PTPN5: variants seen among roughly 807,000 people sequenced by gnomAD.
The protein encoded by PTPN5 is protein tyrosine phosphatase non-receptor type 5.
In PTPN5, 29 loss-of-function variants were observed where a neutral mutation model predicts 73.9. The observed-to-expected ratio is 0.39, with a 90% CI of 0.29 to 0.54. PTPN5 has a LOEUF of 0.54. PTPN5 is among the 20% of genes least tolerant of loss of function. The probability of loss-of-function intolerance (pLI) is 0.65; values close to 1 mark genes in which losing one functional copy is unlikely to be tolerated. For missense variants in PTPN5, 652 were observed against 751.4 expected (o/e 0.87, Z 1.55); for synonymous variants, 267 against 304.7 (o/e 0.88, Z 1.29).
chr11:18,734,903 G>C (rs920922048), intron 9 of PTPN5, among the ~76,000 whole-genome samples: 1 of 152,162 alleles, frequency 6.6e-6, no homozygotes, highest in Non-Finnish European at 1.5e-5. Context: ...GTATAGGGGA[G>C]TCATTAAGAG....
intron 3 of PTPN5, among the ~76,000 whole-genome samples, chr11:18,755,772 G>A (rs1365773398): frequency 6.6e-6 from 1 of 152,058 alleles, no homozygotes; most frequent in Admixed American, 6.5e-5. Flanking sequence ...TTGGGAGGCC[G>A]AGGCGGGCAG....
Position 18,729,170 on chromosome 11 carries a change from C to A in PTPN5, c.1605-143G>T. 1.3e-6 allele frequency: 1 copy of A among 747,992 alleles called. No homozygotes were observed. Among genetic ancestry groups the A allele is most frequent in the Non-Finnish European group, 2.2e-6 (1 of 454,900 alleles). 46.3% of individuals were successfully genotyped at this position (747,992 alleles called of 1,614,324 possible). A position where few individuals can be genotyped will look rare whatever the true frequency, so the allele number is the denominator to read the frequency against. On this transcript the variant is annotated intron_variant, in intron 14 of 14. Coordinates refer to ENST00000358540, the MANE Select transcript of PTPN5 (RefSeq NM_006906.2). This position sits in a 1 kb window ranked among gnomAD's most constrained non-coding sequence, Gnocchi z 5.2. ...AGACCAACCCTTGCCAACCATTACCCTCTGCCCCTTCCTATCAGGGACACA... is the reference window on the plus strand; with the variant it reads ...AGACCAACCCTTGCCAACCATTACCATCTGCCCCTTCCTATCAGGGACACA...
At chr11:18,781,872 G>C (rs1564932483) in intron 1 of PTPN5, among the ~76,000 whole-genome samples, 1 of 152,136 alleles carries the variant, frequency 6.6e-6, no homozygotes, top group East Asian at 1.9e-4. Flanking sequence ...CACAAAAACA[G>C]AGTCTGGGAA....
Position 18,742,240 on chromosome 11 carries a change from AC to A in PTPN5, c.725+21del. The A allele has an allele frequency of 1.2e-6, 2 of 1,612,876 alleles. No individual in the cohort carries two copies. The highest frequency in any genetic ancestry group is 1.7e-6 in the Non-Finnish European group (2 of 1,179,172). On this transcript the variant is annotated intron_variant, in intron 7 of 14. Transcript: ENST00000358540. This position sits in a 1 kb window ranked among gnomAD's most constrained non-coding sequence, Gnocchi z 4.1. Reference sequence around the variant, plus strand: ...AAGAGCTCAAGGGCCCGTGGAGCCCACCCCTCCTCCACCCCTCCCACCTCTC... The same window carrying A: ...AAGAGCTCAAGGGCCCGTGGAGCCCACCCTCCTCCACCCCTCCCACCTCTC...
chr11:18,765,744 T>G, intron 3 of PTPN5, 63 bp downstream of exon 3: 4 of 1,152,736 alleles, frequency 3.5e-6, no homozygotes, highest in Non-Finnish European at 5.1e-6. Context: ...AGCCCCAGCT[T>G]CAGCCGGGGC....
intron 3 of PTPN5, among the ~76,000 whole-genome samples, chr11:18,758,036 T>C (rs980827105): frequency 4.0e-5 from 6 of 151,760 alleles, no homozygotes; most frequent in Non-Finnish European, 8.8e-5. Context: ...TAGTGGAAGG[T>C]TGGGGAAAAG....
intron 2 of PTPN5, among the ~76,000 whole-genome samples, chr11:18,770,637 G>A (rs4348874): frequency 0.62 from 93,910 of 152,128 alleles, 31,894 homozygotes; most frequent in South Asian, 0.83. Context: ...CTCCCATCAC[G>A]CTTGTGGTTT....
At chr11:18,759,533 A>G (rs1365538985) in intron 3 of PTPN5, among the ~76,000 whole-genome samples, 2 of 152,204 alleles carry the variant, frequency 1.3e-5, no homozygotes, top group African/African-American at 4.8e-5. Flanking sequence ...CTGGGATGGT[A>G]CTTCTTTTCT....
At chr11:18,749,789 G>A (rs942614080) in intron 3 of PTPN5, among the ~76,000 whole-genome samples, 2 of 152,184 alleles carry the variant, frequency 1.3e-5, no homozygotes, top group Non-Finnish European at 2.9e-5. Flanking sequence ...AGCTGGTGCC[G>A]CCTGAGCTCC....
intron 3 of PTPN5, among the ~76,000 whole-genome samples, chr11:18,756,961 A>C (rs1381845509): frequency 6.6e-6 from 1 of 152,016 alleles, no homozygotes; most frequent in African/African-American, 2.4e-5. Context: ...CAAAACAAAA[A>C]GAAACAGCAC....
At chr11:18,730,261 G>A (rs1848817152) in intron 12 of PTPN5, 1 of 310,020 alleles carries the variant, frequency 3.2e-6, no homozygotes, top group Admixed American at 5.0e-5. Flanking sequence ...AGTGCTGCAA[G>A]TTTTACCACC....
At chr11:18,731,723 G>A (rs1564885413) in intron 12 of PTPN5, among the ~76,000 whole-genome samples, 2 of 152,148 alleles carry the variant, frequency 1.3e-5, no homozygotes, top group East Asian at 1.9e-4. Context: ...AGATGCTCTC[G>A]ACACCCTACC....
intron 9 of PTPN5, among the ~76,000 whole-genome samples, chr11:18,734,636 C>A (rs530570330): frequency 1.1e-4 from 16 of 152,206 alleles, no homozygotes; most frequent in Admixed American, 2.6e-4. Context: ...GCCCAGCCCC[C>A]ACTCTGCTCT....
At chr11:18,749,975 C>T (rs893346975) in intron 3 of PTPN5, among the ~76,000 whole-genome samples, 2 of 152,162 alleles carry the variant, frequency 1.3e-5, no homozygotes, top group African/African-American at 4.8e-5. Flanking sequence ...GGAGCCCTAC[C>T]CAAAAGAACA....
chr11:18,749,122 G>A (rs1006686701), intron 3 of PTPN5, among the ~76,000 whole-genome samples: 48 of 152,218 alleles, frequency 3.2e-4, no homozygotes, highest in African/African-American at 1.1e-3. Flanking sequence ...AGGTAGACAC[G>A]ATCATCGTCA....
Position 18,772,051 on chromosome 11 carries a change from G to T in PTPN5, c.-93C>A. On this transcript the variant is annotated 5_prime_UTR_variant, in exon 2 of 15. Transcript: ENST00000358540. ...GCTGGTGATATAAATGAAGGAGAGA[G>T]GGCAGCTTCAGATCATCCAGCTGGG... The T allele has an allele frequency of 1.0e-6, 1 of 955,040 alleles. No homozygotes were observed. The highest frequency in any genetic ancestry group is 1.6e-6 in the Non-Finnish European group (1 of 639,236). 59.2% of individuals were successfully genotyped at this position (955,040 alleles called of 1,614,324 possible).
At chr11:18,745,835 A>G (rs1020639600) in intron 3 of PTPN5, among the ~76,000 whole-genome samples, 4 of 152,022 alleles carry the variant, frequency 2.6e-5, no homozygotes, top group Non-Finnish European at 5.9e-5. Context: ...AGAGCTGCCC[A>G]AGGTTGCTTA....
intron 3 of PTPN5, among the ~76,000 whole-genome samples, chr11:18,765,541 C>T (rs1258637820): frequency 6.6e-6 from 1 of 152,216 alleles, no homozygotes; most frequent in Non-Finnish European, 1.5e-5. Flanking sequence ...CTCAGCTCTT[C>T]GTCCTTCTTT....
chr11:18,728,755 T>G lies in PTPN5; in HGVS notation c.*179A>C. 7.8e-5 allele frequency: 43 copies of G among 548,402 alleles called. No homozygotes were observed. Among genetic ancestry groups the G allele is most frequent in the East Asian group, 1.4e-4 (4 of 27,690 alleles). The allele number at this position is 548,402 out of a possible 1,614,324, so 34.0% of individuals were successfully genotyped here. A position where few individuals can be genotyped will look rare whatever the true frequency, so the allele number is the denominator to read the frequency against. On this transcript the variant is annotated 3_prime_UTR_variant, in exon 15 of 15. Coordinates refer to ENST00000358540, the MANE Select transcript of PTPN5 (RefSeq NM_006906.2). The surrounding 1 kb of genome is among the most constrained non-coding windows in gnomAD (Gnocchi z 4.1). Reference sequence around the variant, plus strand: ...CCCGACCCTGCCCCCCACTCCCCAATATGTACAGTAGGAAGAGCAATGCTG... The same window carrying G: ...CCCGACCCTGCCCCCCACTCCCCAAGATGTACAGTAGGAAGAGCAATGCTG...
Sources: allele counts gnomAD v4.1 joint callset (sites outside exome capture counted in the v4.1 genomes callset), GRCh38; gene constraint gnomAD v4.1.1; non-coding constraint Gnocchi (gnomAD v3.1); transcripts MANE v1.5; gene names NCBI Gene and HGNC (gene_info 2026-07-23, HGNC 2026-07-21).